ZNF385D: variants seen among roughly 807,000 people sequenced by gnomAD.
The protein encoded by ZNF385D is zinc finger protein 385D.
Under a neutral mutation model 35.8 loss-of-function variants are expected in ZNF385D, and 15 were observed. The ratio of observed to expected loss-of-function variants is 0.42; its 90% CI spans 0.28 to 0.64. ZNF385D has a LOEUF of 0.64. ZNF385D is among the 30% of genes least tolerant of loss of function. The pLI is 0.23. For synonymous variants in ZNF385D, 212 were observed against 186.8 expected, an observed-to-expected ratio of 1.13 and a Z score of -1.10; for missense variants, 474 against 494.6, an observed-to-expected ratio of 0.96 and a Z score of 0.39.
At chr3:21,575,523 GCT>G (rs989875630) in intron 2 of ZNF385D, among the ~76,000 whole-genome samples, 2 of 152,048 alleles carry the variant, frequency 1.3e-5, no homozygotes, top group Non-Finnish European at 2.9e-5. Flanking sequence ...AATACACCAA[GCT>G]CTCTTTTACC....
intron 3 of ZNF385D, among the ~76,000 whole-genome samples, chr3:21,956,170 G>C (rs1177439753): frequency 6.6e-6 from 1 of 151,834 alleles, no homozygotes; most frequent in Admixed American, 6.6e-5. Flanking sequence ...CTGGGTGAGA[G>C]AGTGAGACTA....
chr3:22,178,310 T>G (rs984448617), intron 2 of ZNF385D, among the ~76,000 whole-genome samples: 3 of 152,244 alleles, frequency 2.0e-5, no homozygotes, highest in African/African-American at 7.2e-5. Flanking sequence ...CATTGTGGTT[T>G]TGATTTGCAT....
At chr3:21,999,102 A>T (rs1695673787) in intron 3 of ZNF385D, among the ~76,000 whole-genome samples, 1 of 152,196 alleles carries the variant, frequency 6.6e-6, no homozygotes, top group South Asian at 2.1e-4. Flanking sequence ...GATTTTAGCC[A>T]TGTAGACATA....
At chr3:22,301,143 A>G (rs1428836979) in intron 2 of ZNF385D, among the ~76,000 whole-genome samples, 1 of 152,074 alleles carries the variant, frequency 6.6e-6, no homozygotes, top group Non-Finnish European at 1.5e-5. Context: ...ACAGAGATGA[A>G]CCTGGAGGTC....
chr3:21,472,460 T>A (rs1016128180), intron 4 of ZNF385D, among the ~76,000 whole-genome samples: 4 of 152,170 alleles, frequency 2.6e-5, no homozygotes, highest in African/African-American at 7.2e-5. Flanking sequence ...ATGGCTACAC[T>A]ATGCAGCCAA....
chr3:21,857,875 G>A (rs1413338597), intron 3 of ZNF385D, among the ~76,000 whole-genome samples: 3 of 151,874 alleles, frequency 2.0e-5, no homozygotes, highest in Non-Finnish European at 4.4e-5. Context: ...TCAGCACATA[G>A]GGACTTAATA....
intron 3 of ZNF385D, among the ~76,000 whole-genome samples, chr3:21,883,838 A>G (rs1370201891): frequency 6.6e-6 from 1 of 152,068 alleles, no homozygotes; most frequent in Non-Finnish European, 1.5e-5. Context: ...CAGCTAATGT[A>G]GACTGAACTA....
In ZNF385D at chr3:22,050,785, ATAAAC is replaced by A. The variant is rs536715332; in HGVS notation, c.325+118027_325+118031del. Among the ~76,000 whole-genome samples, 518 of 152,268 alleles carry A rather than the reference ATAAAC, an allele frequency of 3.4e-3. 4 individuals carry two copies. The highest frequency in any genetic ancestry group is 6.2e-3 in the South Asian group (30 of 4,826). The stretch of plus-strand genomic sequence containing the variant: ...TTTAAAAATTGTATATTTATATTAA[ATAAAC>A]TAAACAATCAAAAATAACGAATATC... On this transcript the variant is annotated intron_variant, in intron 3 of 5. Transcript: ENST00000494108.
At chr3:22,050,755 ATT>A (rs1475386934) in intron 3 of ZNF385D, among the ~76,000 whole-genome samples, 2 of 152,212 alleles carry the variant, frequency 1.3e-5, no homozygotes, top group African/African-American at 4.8e-5. Flanking sequence ...TGTATTATGT[ATT>A]TGTTTAAAAA....
At chr3:22,007,625 G>A (rs896011968) in intron 3 of ZNF385D, among the ~76,000 whole-genome samples, 1 of 152,092 alleles carries the variant, frequency 6.6e-6, no homozygotes, top group Non-Finnish European at 1.5e-5. Flanking sequence ...TAGGTATTTC[G>A]TCACAGTTTT....
At position 21,636,552 on chromosome 3, in the gene ZNF385D, T is replaced by A. The variant is rs956111838; in HGVS notation, c.165+28334A>T. ...GTCTGACGTTCAAGGGCAGGAAGCA[T>A]CCAGCACAGGAGAAAGATGTAGCCT... On this transcript the variant is annotated intron_variant, in intron 2 of 7. Coordinates refer to ENST00000281523, the MANE Select transcript of ZNF385D (RefSeq NM_024697.3). Among the ~76,000 whole-genome samples the A allele has an allele frequency of 2.2e-4, 34 of 151,290 alleles. 1 individual carries two copies. Among genetic ancestry groups the A allele is most frequent in the Non-Finnish European group, 3.8e-4 (26 of 67,856 alleles).
intron 3 of ZNF385D, among the ~76,000 whole-genome samples, chr3:21,768,596 T>C (rs1430163175): frequency 6.6e-6 from 1 of 151,972 alleles, no homozygotes; most frequent in African/African-American, 2.4e-5. Context: ...GCTGTGCACC[T>C]GCTCCTGAAA....
At chr3:21,490,041 C>G (rs980780303) in intron 4 of ZNF385D, among the ~76,000 whole-genome samples, 2 of 152,152 alleles carry the variant, frequency 1.3e-5, no homozygotes, top group Non-Finnish European at 2.9e-5. Flanking sequence ...TTATATAAAT[C>G]TGAATTTAGC....
At chr3:21,953,872 A>G (rs1162597138) in intron 3 of ZNF385D, among the ~76,000 whole-genome samples, 1 of 152,094 alleles carries the variant, frequency 6.6e-6, no homozygotes, top group Non-Finnish European at 1.5e-5. Context: ...GTATACACAC[A>G]CACAATGAAG....
At chr3:21,810,945 C>A (rs571077791) in intron 3 of ZNF385D, among the ~76,000 whole-genome samples, 1 of 136,242 alleles carries the variant, frequency 7.3e-6, no homozygotes, top group African/African-American at 3.1e-5. Context: ...CAGCACATCA[C>A]ACACACACAC....
intron 3 of ZNF385D, among the ~76,000 whole-genome samples, chr3:21,884,758 G>A (rs905331383): frequency 1.3e-5 from 2 of 151,968 alleles, no homozygotes; most frequent in Non-Finnish European, 2.9e-5. Flanking sequence ...TCCAGATCCA[G>A]TGACATTATA....
intron 3 of ZNF385D, chr3:22,168,567 T>C (rs114481292): frequency 9.8e-4 from 151 of 154,028 alleles, no homozygotes; most frequent in African/African-American, 3.5e-3. Context: ...CAAGAAACTC[T>C]AAAACTCTAA....
At chr3:22,310,889 TTTC>T (rs1392971262) in intron 2 of ZNF385D, among the ~76,000 whole-genome samples, 1 of 151,932 alleles carries the variant, frequency 6.6e-6, no homozygotes, top group Non-Finnish European at 1.5e-5. Flanking sequence ...AAAGATTTTA[TTTC>T]TACTATTTAA....
chr3:22,341,577 C>A lies in ZNF385D; in HGVS notation c.106+30873G>T, dbSNP rs980947611. On this transcript the variant is annotated intron_variant, in intron 2 of 5. Coordinates refer to the ZNF385D transcript ENST00000494108. ...TTTGGAATGAACCAAAAAATATTAT[C>A]CACTATCTGAATGGCAAAGGGGTAT... Among the ~76,000 whole-genome samples, 8 of 152,118 alleles carry A rather than the reference C, an allele frequency of 5.3e-5. No individual in the cohort carries two copies. In the South Asian group the frequency reaches 1.7e-3, roughly 32 times the overall value.
Sources: gnomAD v4.1 joint callset for allele counts (sites outside exome capture counted in the v4.1 genomes callset) on GRCh38, gnomAD v4.1.1 for gene constraint, MANE v1.5 for transcripts, NCBI Gene and HGNC (gene_info 2026-07-23, HGNC 2026-07-21) for gene names.